The following PHLPP1 variants were observed in gnomAD, a reference collection of about 807,000 sequenced individuals.
PHLPP1 encodes PH domain and leucine rich repeat protein phosphatase 1.
In PHLPP1, 42 loss-of-function variants were observed where a neutral mutation model predicts 117.2. That is an observed-to-expected ratio of 0.36 (90% CI 0.28 to 0.46). PHLPP1 has a LOEUF of 0.46. Among genes scored for constraint, PHLPP1 ranks in the 20% least tolerant of loss-of-function variants. The pLI, the probability that PHLPP1 is intolerant of heterozygous loss-of-function variation, is 1.00. For synonymous variants in PHLPP1, 1,042 were observed against 970.7 expected, an observed-to-expected ratio of 1.07 and a Z score of -1.37; for missense variants, 2,084 against 2,241.9, an observed-to-expected ratio of 0.93 and a Z score of 1.42.
intron 3 of PHLPP1, 197 bp downstream of exon 3, chr18:62,839,106 A>G (rs1235379801): frequency 1.1e-5 from 6 of 558,870 alleles, no homozygotes. Flanking sequence ...ATTGTTTTTT[A>G]CTTGCCCAGT....
chr18:62,939,482 A>ATT (rs1910067271), intron 10 of PHLPP1, among the ~76,000 whole-genome samples: 1 of 152,332 alleles, frequency 6.6e-6, no homozygotes, highest in East Asian at 1.9e-4. Context: ...TACTCTAAAC[A>ATT]GCGATGGTAA....
At chr18:62,944,047 G>A (rs932877637) in intron 11 of PHLPP1, among the ~76,000 whole-genome samples, 3 of 151,564 alleles carry the variant, frequency 2.0e-5, no homozygotes, top group Non-Finnish European at 4.4e-5. Context: ...TTTGAAAGAT[G>A]ACAAAAATAA....
intron 1 of PHLPP1, among the ~76,000 whole-genome samples, chr18:62,782,787 C>G (rs189767301): frequency 1.8e-3 from 277 of 152,256 alleles, no homozygotes; most frequent in African/African-American, 6.5e-3. Flanking sequence ...GGGGTAGTGA[C>G]TCTTGGCGGT....
chr18:62,748,160 G>A (rs1343378922), intron 1 of PHLPP1, among the ~76,000 whole-genome samples: 2 of 151,652 alleles, frequency 1.3e-5, no homozygotes, highest in African/African-American at 4.8e-5. Flanking sequence ...TTCCATAATT[G>A]TGAATTCATG....
At chr18:62,968,143 A>G (rs1022315897) in intron 14 of PHLPP1, among the ~76,000 whole-genome samples, 1 of 152,162 alleles carries the variant, frequency 6.6e-6, no homozygotes. Flanking sequence ...TATTTCTTAC[A>G]TGCTGCTGGA....
At chr18:62,867,039 T>C (rs1426873389) in intron 4 of PHLPP1, among the ~76,000 whole-genome samples, 1 of 152,204 alleles carries the variant, frequency 6.6e-6, no homozygotes, top group Admixed American at 6.5e-5. Context: ...TGTTTTATTT[T>C]GTATTTTTAA....
intron 2 of PHLPP1, among the ~76,000 whole-genome samples, chr18:62,836,532 C>T (rs893332335): frequency 1.3e-4 from 19 of 151,576 alleles, no homozygotes; most frequent in African/African-American, 4.6e-4. Flanking sequence ...CAAGATAAAT[C>T]TTTGTGACCA....
At chr18:62,785,148 C>T (rs1913241884) in intron 1 of PHLPP1, among the ~76,000 whole-genome samples, 1 of 152,152 alleles carries the variant, frequency 6.6e-6, no homozygotes, top group African/African-American at 2.4e-5. Context: ...ATAGAGAATG[C>T]ATGTGATCAC....
chr18:62,723,006 A>G (rs1910969185), intron 1 of PHLPP1, among the ~76,000 whole-genome samples: 2 of 152,216 alleles, frequency 1.3e-5, no homozygotes, highest in Admixed American at 6.5e-5. Context: ...TTGGTATGTT[A>G]GGTGAAACAA....
chr18:62,727,460 A>G (rs987912491), intron 1 of PHLPP1, among the ~76,000 whole-genome samples: 1 of 151,474 alleles, frequency 6.6e-6, no homozygotes, highest in African/African-American at 2.4e-5. Flanking sequence ...TAATAATAAT[A>G]AAAAAAATTA....
At chr18:62,769,606 A>G (rs1231348519) in intron 1 of PHLPP1, among the ~76,000 whole-genome samples, 1 of 152,148 alleles carries the variant, frequency 6.6e-6, no homozygotes, top group Non-Finnish European at 1.5e-5. Context: ...TGTTGTCTGG[A>G]TCCAATGGCT....
At chr18:62,797,208 G>A (rs1373481278) in intron 1 of PHLPP1, among the ~76,000 whole-genome samples, 4 of 152,078 alleles carry the variant, frequency 2.6e-5, no homozygotes, top group Non-Finnish European at 4.4e-5. Context: ...TTCCTTTTCC[G>A]AAAGATGTTC....
chr18:62,811,649 G>T (rs1914124909), intron 1 of PHLPP1, among the ~76,000 whole-genome samples: 2 of 151,636 alleles, frequency 1.3e-5, no homozygotes, highest in South Asian at 4.2e-4. Context: ...TTTTGTGTGT[G>T]GTTCTAAGAA....
At chr18:62,843,909 C>G (rs1382368024) in intron 3 of PHLPP1, among the ~76,000 whole-genome samples, 1 of 152,166 alleles carries the variant, frequency 6.6e-6, no homozygotes, top group African/African-American at 2.4e-5. Flanking sequence ...TGATGGTCCA[C>G]TTTTTAAAGT....
At chr18:62,919,930 T>G (rs1293050996) in intron 9 of PHLPP1, 29 bp from the exon 10 acceptor site, 1 of 1,533,280 alleles carries the variant, frequency 6.5e-7, no homozygotes, top group East Asian at 2.4e-5. Context: ...TCTTTTTCAT[T>G]TTTTGGTCTT....
intron 1 of PHLPP1, among the ~76,000 whole-genome samples, chr18:62,821,953 G>A (rs952525456): frequency 6.6e-5 from 10 of 152,008 alleles, no homozygotes; most frequent in African/African-American, 2.4e-4. Context: ...TTAATTAGCC[G>A]AGCATGCTGG....
chr18:62,978,711 C>T lies in PHLPP1; in HGVS notation c.4434C>T (p.Ser1478=), dbSNP rs1316402159. 1.2e-6 allele frequency: 2 copies of T among 1,613,770 alleles called. No individual in the cohort carries two copies. Among genetic ancestry groups the T allele is most frequent in the Middle Eastern group, 1.6e-4 (1 of 6,062 alleles). Reference sequence around the variant, plus strand: ...GCAGCGGCATGGCTTCCGAGATTAGCAGTGAGCTCTCCACTTCTGAGATGA... The same window carrying T: ...GCAGCGGCATGGCTTCCGAGATTAGTAGTGAGCTCTCCACTTCTGAGATGA... The part of the protein sequence containing the change: ...SSSSGMASEI[S]SELSTSEMSS... The change falls in exon 17 of 17, where the codon AGC becomes AGT. Residue 1478 remains serine (S), a synonymous_variant. Transcript: ENST00000262719. This position sits in a 1 kb window ranked among gnomAD's most constrained non-coding sequence, Gnocchi z 7.0.
chr18:62,747,069 G>GT (rs1911696841), intron 1 of PHLPP1, among the ~76,000 whole-genome samples: 1 of 151,914 alleles, frequency 6.6e-6, no homozygotes, highest in Admixed American at 6.6e-5. Context: ...TCTCTTTACT[G>GT]TTGGTCTAAC....
chr18:62,747,102 G>A (rs1000812610), intron 1 of PHLPP1, among the ~76,000 whole-genome samples: 6 of 151,694 alleles, frequency 4.0e-5, no homozygotes, highest in African/African-American at 1.5e-4. Context: ...ACTTTTATTC[G>A]TGTTTTGAAA....
Sources: gnomAD v4.1 joint callset for allele counts (sites outside exome capture counted in the v4.1 genomes callset) on GRCh38, gnomAD v4.1.1 for gene constraint, Gnocchi (gnomAD v3.1) non-coding constraint, MANE v1.5 for transcripts, NCBI Gene and HGNC (gene_info 2026-07-23, HGNC 2026-07-21) for gene names.